Variants in NWD2 observed in about 807,000 individuals in gnomAD.
NWD2 encodes the protein NACHT and WD repeat domain containing 2.
NWD2 carries 37 observed loss-of-function variants against 132.7 expected under a neutral mutation model. That is an observed-to-expected ratio of 0.28 (90% CI 0.21 to 0.37). The LOEUF (loss-of-function observed/expected upper bound fraction) is 0.37. NWD2 is among the 10% of genes least tolerant of loss of function. The pLI is 1.00. For missense variants in NWD2, 1,592 were observed against 2,122.4 expected (o/e 0.75, Z 4.91); for synonymous variants, 705 against 803.0 (o/e 0.88, Z 2.06).
intron 2 of NWD2, among the ~76,000 whole-genome samples, chr4:37,350,511 TGTGATTTTTGC>T (rs1336092186): frequency 6.6e-6 from 1 of 152,214 alleles, no homozygotes; most frequent in Non-Finnish European, 1.5e-5. Flanking sequence ...TAGGAATGCT[TGTGATTTTTGC>T]ACATTGATTT....
At position 37,286,560 on chromosome 4, in the gene NWD2, G is replaced by A. The variant is rs564664077; in HGVS notation, c.152-39376G>A. Among the ~76,000 whole-genome samples, 5 of 152,340 alleles carry A rather than the reference G, an allele frequency of 3.3e-5. No individual in the cohort carries two copies. The South Asian group carries it at 8.3e-4, about 25-fold the overall frequency. On this transcript the variant is annotated intron_variant, in intron 1 of 6. Transcript: ENST00000309447. ...AGAGAAAGCAAAAAGTTAAAAATCA[G>A]TGTTGGGGTCAGTAGAAAGAACACA...
intron 3 of NWD2, among the ~76,000 whole-genome samples, chr4:37,361,001 AAAAGATCCTCAGGGACT>A (rs1719971454): frequency 6.6e-6 from 1 of 152,148 alleles, no homozygotes; most frequent in Non-Finnish European, 1.5e-5. Context: ...ACAGAAATAC[AAAAGATCCTCAGGGACT>A]ATACAAAAGA....
chr4:37,300,646 A>AG (rs1215346878), intron 1 of NWD2, among the ~76,000 whole-genome samples: 1 of 152,132 alleles, frequency 6.6e-6, no homozygotes, highest in Non-Finnish European at 1.5e-5. Flanking sequence ...TTTTGTCATA[A>AG]TAAAGCACAA....
Position 37,402,951 on chromosome 4 carries a change from G to A in NWD2, c.358-27621G>A, listed in dbSNP as rs144623569. Among the ~76,000 whole-genome samples the A allele has an allele frequency of 7.7e-3, 1,179 of 152,282 alleles. 19 individuals carry two copies. The highest frequency in any genetic ancestry group is 0.027 in the African/African-American group (1,128 of 41,550). ...GACAACTGTACTTTGAATGCTTCAAGGATTTCCTGATTACTAAGAGGTCCC... is the reference window on the plus strand; with the variant it reads ...GACAACTGTACTTTGAATGCTTCAAAGATTTCCTGATTACTAAGAGGTCCC... On this transcript the variant is annotated intron_variant, in intron 3 of 6. Transcript: ENST00000309447.
chr4:37,424,319 A>G (rs1195304329), intron 3 of NWD2, among the ~76,000 whole-genome samples: 6 of 152,160 alleles, frequency 3.9e-5, no homozygotes, highest in Non-Finnish European at 8.8e-5. Context: ...TTGATGAAGT[A>G]GAAAGAATGG....
chr4:37,387,636 C>T (rs2109310562), intron 3 of NWD2, among the ~76,000 whole-genome samples: 1 of 151,618 alleles, frequency 6.6e-6, no homozygotes, highest in South Asian at 2.1e-4. Flanking sequence ...GCCTGCTCTC[C>T]ACCCAGCAGC....
intron 1 of NWD2, among the ~76,000 whole-genome samples, chr4:37,285,464 A>G (rs932123558): frequency 2.0e-5 from 3 of 152,028 alleles, no homozygotes; most frequent in Non-Finnish European, 4.4e-5. Context: ...ATATATTTAT[A>G]GTAATATAGA....
chr4:37,371,380 G>A (rs905518111), intron 3 of NWD2, among the ~76,000 whole-genome samples: 1 of 151,972 alleles, frequency 6.6e-6, no homozygotes, highest in Non-Finnish European at 1.5e-5. Flanking sequence ...CCAGCCAGAA[G>A]TTCAATATGT....
Position 37,350,498 on chromosome 4 carries a change from G to A in NWD2, c.241-5868G>A, listed in dbSNP as rs553944394. The stretch of plus-strand genomic sequence containing the variant: ...GGCTCTCTGTTTCTCTATTATTGAT[G>A]TATAGGAATGCTTGTGATTTTTGCA... On this transcript the variant is annotated intron_variant, in intron 2 of 6. Transcript: ENST00000309447. Among the ~76,000 whole-genome samples the A allele has an allele frequency of 8.5e-5, 13 of 152,316 alleles. 1 individual carries two copies. In the South Asian group the frequency reaches 2.7e-3, roughly 32 times the overall value.
intron 2 of NWD2, among the ~76,000 whole-genome samples, chr4:37,351,674 C>T (rs1198094556): frequency 6.6e-6 from 1 of 152,078 alleles, no homozygotes; most frequent in East Asian, 1.9e-4. Context: ...GTCTCTATCT[C>T]CTTCAGTTCT....
chr4:37,367,856 A>C (rs968623582), intron 3 of NWD2, among the ~76,000 whole-genome samples: 1 of 152,154 alleles, frequency 6.6e-6, no homozygotes, highest in Admixed American at 6.5e-5. Context: ...CTAGTAAGGG[A>C]TAAGAGCCAG....
intron 3 of NWD2, among the ~76,000 whole-genome samples, chr4:37,371,616 T>G (rs775382286): frequency 1.3e-5 from 2 of 152,260 alleles, no homozygotes; most frequent in Non-Finnish European, 2.9e-5. Context: ...TACTTCATCA[T>G]GTGTAATCAA....
chr4:37,407,355 A>C (rs544837941), intron 3 of NWD2, among the ~76,000 whole-genome samples: 1 of 152,328 alleles, frequency 6.6e-6, no homozygotes, highest in South Asian at 2.1e-4. Flanking sequence ...GATATTCAAC[A>C]ACATTAGTAC....
chr4:37,304,589 C>T (rs189540193), intron 1 of NWD2, among the ~76,000 whole-genome samples: 3 of 152,236 alleles, frequency 2.0e-5, no homozygotes, highest in East Asian at 3.9e-4. Flanking sequence ...GCTCCCATTC[C>T]AAAAGGGAGA....
rs186633203 is a variant in NWD2, at chr4:37,276,229, C to A, written c.151+31011C>A. Among the ~76,000 whole-genome samples the A allele has an allele frequency of 1.8e-3, 275 of 152,200 alleles. 2 individuals carry two copies. Among genetic ancestry groups the A allele is most frequent in the Non-Finnish European group, 6.3e-4 (43 of 68,012 alleles). ...ACAGAGGGCTAATATCCAGAATCTA[C>A]AATGAACTCAAACAACTTTACAAGA... On this transcript the variant is annotated intron_variant, in intron 1 of 6. Transcript: ENST00000309447.
At chr4:37,314,727 A>G (rs1718924095) in intron 1 of NWD2, among the ~76,000 whole-genome samples, 1 of 152,062 alleles carries the variant, frequency 6.6e-6, no homozygotes, top group Admixed American at 6.6e-5. Flanking sequence ...CCAACTTTTT[A>G]CTTTAGCAAT....
chr4:37,395,584 C>CAAAAAAAAA (rs1156884728), intron 3 of NWD2, among the ~76,000 whole-genome samples: 274 of 18,264 alleles, frequency 0.015, 60 homozygotes, highest in Non-Finnish European at 0.019. Context: ...AACTCTGTCT[C>CAAAAAAAAA]AAAAAAAAAA....
chr4:37,387,924 T>A, intron 3 of NWD2, among the ~76,000 whole-genome samples: 1 of 150,414 alleles, frequency 6.6e-6, no homozygotes, highest in Non-Finnish European at 1.5e-5. Context: ...TCCACCTGCC[T>A]TGGCCTTGAA....
chr4:37,388,570 A>G (rs1720615540), intron 3 of NWD2, among the ~76,000 whole-genome samples: 1 of 151,006 alleles, frequency 6.6e-6, no homozygotes, highest in Admixed American at 6.6e-5. Context: ...TGTGGAAAAT[A>G]TATATTTTTA....
Sources: gnomAD v4.1 joint callset for allele counts (sites outside exome capture counted in the v4.1 genomes callset) on GRCh38, gnomAD v4.1.1 for gene constraint, MANE v1.5 for transcripts, NCBI Gene and HGNC (gene_info 2026-07-23, HGNC 2026-07-21) for gene names.